Variants in AFAP1L2 observed in about 807,000 individuals in gnomAD.
AFAP1L2 encodes the protein actin filament associated protein 1 like 2.
A neutral mutation model predicts 99.3 loss-of-function variants in AFAP1L2; 46 were observed. That is an observed-to-expected ratio of 0.46 (90% CI 0.37 to 0.59). The LOEUF is 0.59. AFAP1L2 is among the 20% of genes least tolerant of loss of function. AFAP1L2 has a pLI of 0.00. For missense variants in AFAP1L2, 959 were observed against 1,034.9 expected (o/e 0.93, Z 1.01); for synonymous variants, 397 against 419.1 (o/e 0.95, Z 0.64).
At chr10:114,293,792 A>G (rs1389918866), downstream of AFAP1L2, among the ~76,000 whole-genome samples, 2 of 152,166 alleles carry the variant, frequency 1.3e-5, no homozygotes, top group East Asian at 1.9e-4. Flanking sequence ...AATATTTCCA[A>G]ATGATGCTAG....
intron 4 of AFAP1L2, among the ~76,000 whole-genome samples, chr10:114,323,787 T>G (rs2045775256): frequency 6.6e-6 from 1 of 152,170 alleles, no homozygotes; most frequent in Admixed American, 6.5e-5. Flanking sequence ...ACATCGAAAT[T>G]TCAGGAGTCA....
At chr10:114,305,386 G>A (rs2042036704) in intron 10 of AFAP1L2, among the ~76,000 whole-genome samples, 1 of 147,144 alleles carries the variant, frequency 6.8e-6, no homozygotes, top group Non-Finnish European at 1.5e-5. Flanking sequence ...AGAGAGCGGG[G>A]CTGCAGGAGG....
At position 114,307,821 on chromosome 10, in the gene AFAP1L2, C is replaced by T. The variant is rs781509933; in HGVS notation, c.1056G>A (p.Arg352=). 4.3e-6 allele frequency: 7 copies of T among 1,614,020 alleles called. No individual in the cohort carries two copies. Among genetic ancestry groups the T allele is most frequent in the Non-Finnish European group, 5.9e-6 (7 of 1,179,950 alleles). The change falls in exon 10 of 19, where the codon AGG becomes AGA. Residue 352 remains arginine, a synonymous_variant. Coordinates refer to ENST00000304129, the MANE Select transcript of AFAP1L2 (RefSeq NM_001001936.3). ...KKSTSLEPVE[R]SLETSSYLNV... ...AATTCTTACTGGATGTCTCGAGGGA[C>T]CTCTCCACAGGCTCCAGTGAGGTGG...
intron 1 of AFAP1L2, among the ~76,000 whole-genome samples, chr10:114,387,197 A>C (rs1311299491): frequency 6.6e-6 from 1 of 152,168 alleles, no homozygotes; most frequent in African/African-American, 2.4e-5. Flanking sequence ...AATGGTGGAG[A>C]GTCATCTTAC....
downstream of AFAP1L2, among the ~76,000 whole-genome samples, chr10:114,291,039 C>G (rs1033241578): frequency 6.6e-6 from 1 of 152,040 alleles, no homozygotes; most frequent in South Asian, 2.1e-4. Flanking sequence ...GGTTGGCTTC[C>G]TAAGGCCAGA....
chr10:114,296,779 G>A (rs1289420898), intron 18 of AFAP1L2, 199 bp downstream of exon 18: 2 of 771,940 alleles, frequency 2.6e-6, no homozygotes, highest in African/African-American at 1.8e-5. Flanking sequence ...CTCGAACCAA[G>A]TGCAGACACC....
chr10:114,395,759 A>C (rs1184396412), intron 1 of AFAP1L2, among the ~76,000 whole-genome samples: 1 of 152,152 alleles, frequency 6.6e-6, no homozygotes, highest in Non-Finnish European at 1.5e-5. Flanking sequence ...AGAGGTGTGC[A>C]GCCCAGGGAA....
intron 12 of AFAP1L2, chr10:114,301,980 C>G (rs936678808): frequency 5.4e-5 from 15 of 278,418 alleles, no homozygotes; most frequent in African/African-American, 2.8e-4. Context: ...AGCACCACCC[C>G]CTGACCTGCT....
At chr10:114,349,326 C>T (rs183717473) in intron 1 of AFAP1L2, among the ~76,000 whole-genome samples, 3 of 142,836 alleles carry the variant, frequency 2.1e-5, no homozygotes, top group Non-Finnish European at 4.5e-5. Context: ...TGCAGTGAGC[C>T]GAGATCGCAC....
intron 6 of AFAP1L2, 96 bp from the exon 7 acceptor site, chr10:114,314,146 C>T: frequency 7.9e-7 from 1 of 1,271,022 alleles, no homozygotes; most frequent in African/African-American, 1.5e-5. Context: ...CAGGACTCAC[C>T]AAGAGCCTGA....
At chr10:114,315,811 A>G (rs2134776810) in intron 5 of AFAP1L2, 46 bp from the exon 6 acceptor site, 6 of 1,562,124 alleles carry the variant, frequency 3.8e-6, no homozygotes, top group East Asian at 2.3e-5. Context: ...GGCAGGGGAC[A>G]GTCCTGAAGC....
intron 11 of AFAP1L2, among the ~76,000 whole-genome samples, chr10:114,304,200 G>T (rs2041736654): frequency 6.6e-6 from 1 of 152,238 alleles, no homozygotes; most frequent in East Asian, 1.9e-4. Context: ...GCAAGTGTGT[G>T]CTTCCATGCG....
At chr10:114,381,988 C>T (rs182916604) in intron 1 of AFAP1L2, among the ~76,000 whole-genome samples, 2 of 152,104 alleles carry the variant, frequency 1.3e-5, no homozygotes, top group African/African-American at 4.8e-5. Flanking sequence ...TGCCCCTTCT[C>T]TGGGGGCAAA....
At chr10:114,298,254 T>A (rs1489058369) in intron 16 of AFAP1L2, among the ~76,000 whole-genome samples, 1 of 152,098 alleles carries the variant, frequency 6.6e-6, no homozygotes, top group East Asian at 1.9e-4. Context: ...GGCGGATGCC[T>A]GTAATCCCAG....
intron 9 of AFAP1L2, 136 bp from the exon 10 acceptor site, chr10:114,308,045 C>T (rs2042686707): frequency 8.4e-6 from 6 of 710,820 alleles, no homozygotes; most frequent in Non-Finnish European, 1.5e-5. Context: ...CACATATGCA[C>T]GCATACACAC....
At chr10:114,331,941 C>G in intron 3 of AFAP1L2, 44 bp from the exon 4 acceptor site, 5 of 1,219,076 alleles carry the variant, frequency 4.1e-6, no homozygotes, top group Non-Finnish European at 4.2e-6. Flanking sequence ...GGGTGACCAG[C>G]CTTACACAGG....
chr10:114,305,345 ACTGGGCTGCAGGAGGGAG>A (rs2042022359), intron 10 of AFAP1L2, among the ~76,000 whole-genome samples: 1 of 131,426 alleles, frequency 7.6e-6, no homozygotes, highest in African/African-American at 2.9e-5. Context: ...GCAGGAGGGG[ACTGGGCTGCAGGAGGGAG>A]CGGGGCTGCA....
At chr10:114,336,168 T>G (rs1317769799) in intron 2 of AFAP1L2, among the ~76,000 whole-genome samples, 1 of 152,214 alleles carries the variant, frequency 6.6e-6, no homozygotes, top group Non-Finnish European at 1.5e-5. Flanking sequence ...TGGTTTTGAT[T>G]CTCAGAGGGT....
chr10:114,291,127 G>C, downstream of AFAP1L2: 1 of 1,445,978 alleles, frequency 6.9e-7, no homozygotes, highest in Non-Finnish European at 9.5e-7. Flanking sequence ...TGTAGAGTAA[G>C]AGCAGGACCT....
Sources: allele counts gnomAD v4.1 joint callset (sites outside exome capture counted in the v4.1 genomes callset), GRCh38; gene constraint gnomAD v4.1.1; transcripts MANE v1.5; gene names NCBI Gene and HGNC (gene_info 2026-07-23, HGNC 2026-07-21).